Variants in HPSE2 observed in about 807,000 individuals in gnomAD.
The protein encoded by HPSE2 is inactive heparanase-2.
HPSE2 carries 38 observed loss-of-function variants against 60.5 expected under a neutral mutation model. The observed-to-expected ratio is 0.63, with a 90% CI of 0.48 to 0.82. The LOEUF is 0.82. HPSE2 is among the 40% of genes least tolerant of loss of function. HPSE2 has a pLI of 0.00. For synonymous variants in HPSE2, 295 were observed against 293.2 expected (o/e 1.01, Z -0.06); for missense variants, 713 against 740.4 (o/e 0.96, Z 0.43).
intron 3 of HPSE2, among the ~76,000 whole-genome samples, chr10:98,799,717 A>C (rs1950862963): frequency 6.6e-6 from 1 of 152,164 alleles, no homozygotes; most frequent in Non-Finnish European, 1.5e-5. Context: ...GAAAATTGCA[A>C]AATTTCTTGA....
At chr10:98,557,679 G>A (rs748918177) in intron 9 of HPSE2, among the ~76,000 whole-genome samples, 6 of 152,152 alleles carry the variant, frequency 3.9e-5, no homozygotes, top group African/African-American at 9.7e-5. Context: ...GGCCAGGTGC[G>A]GTGGCTCACG....
chr10:98,656,583 C>T (rs1366209636), intron 6 of HPSE2, among the ~76,000 whole-genome samples: 6 of 151,926 alleles, frequency 3.9e-5, no homozygotes, highest in African/African-American at 9.7e-5. Flanking sequence ...TTATGAGGAC[C>T]CACCATAAGA....
intron 7 of HPSE2, among the ~76,000 whole-genome samples, chr10:98,631,461 C>T (rs1299200240): frequency 7.2e-5 from 11 of 152,126 alleles, no homozygotes. Flanking sequence ...CGTCTCTTTC[C>T]CAGTCCTTTT....
At chr10:98,616,435 G>C (rs976445506) in intron 8 of HPSE2, among the ~76,000 whole-genome samples, 1 of 152,128 alleles carries the variant, frequency 6.6e-6, no homozygotes, top group Non-Finnish European at 1.5e-5. Flanking sequence ...TCACCATTCA[G>C]CACACTGGGG....
rs1337649430 is a variant in HPSE2, at chr10:98,942,053, T to C, written c.611-197997A>G. Among the ~76,000 whole-genome samples the C allele has an allele frequency of 2.1e-5, 3 of 143,256 alleles. 1 individual carries two copies. Among genetic ancestry groups the C allele is most frequent in the Non-Finnish European group, 4.5e-5 (3 of 67,026 alleles). The allele number at this position is 143,256 out of a possible 152,430, so 94.0% of individuals were successfully genotyped here. A position where few individuals can be genotyped will look rare whatever the true frequency, so the allele number is the denominator to read the frequency against. On this transcript the variant is annotated intron_variant, in intron 3 of 11. Coordinates refer to ENST00000370552, the MANE Select transcript of HPSE2 (RefSeq NM_021828.5). ...GGTAGAAAGCTGAAACTGGATCCCATCCTTACACCTTATACAAAAATTAAT... is the reference window on the plus strand; with the variant it reads ...GGTAGAAAGCTGAAACTGGATCCCACCCTTACACCTTATACAAAAATTAAT...
intron 3 of HPSE2, among the ~76,000 whole-genome samples, chr10:99,083,434 A>G (rs991821189): frequency 6.6e-6 from 1 of 152,258 alleles, no homozygotes; most frequent in Non-Finnish European, 1.5e-5. Flanking sequence ...AATCAAAAGC[A>G]TCTGTGAAAA....
At chr10:99,122,202 T>C (rs1388876112) in intron 3 of HPSE2, among the ~76,000 whole-genome samples, 1 of 152,066 alleles carries the variant, frequency 6.6e-6, no homozygotes, top group Non-Finnish European at 1.5e-5. Flanking sequence ...CTTTTAAATA[T>C]ATATAAACTT....
chr10:98,880,238 C>G (rs1235202366), intron 3 of HPSE2, among the ~76,000 whole-genome samples: 1 of 151,972 alleles, frequency 6.6e-6, no homozygotes, highest in Non-Finnish European at 1.5e-5. Context: ...TCAAAAAGTA[C>G]ACAAAATAAT....
At chr10:98,909,410 C>A (rs959769127) in intron 3 of HPSE2, among the ~76,000 whole-genome samples, 6 of 149,396 alleles carry the variant, frequency 4.0e-5, no homozygotes, top group Non-Finnish European at 8.9e-5. Flanking sequence ...GCGGGTGAAT[C>A]CAGAGGTCAG....
At chr10:98,656,672 A>G (rs1019472707) in intron 6 of HPSE2, among the ~76,000 whole-genome samples, 3 of 151,602 alleles carry the variant, frequency 2.0e-5, no homozygotes, top group African/African-American at 7.3e-5. Context: ...TAGACACTAG[A>G]TTTTGTTTTC....
intron 3 of HPSE2, among the ~76,000 whole-genome samples, chr10:98,811,369 G>GTA (rs1473258407): frequency 6.6e-6 from 1 of 152,064 alleles, no homozygotes; most frequent in African/African-American, 2.4e-5. Flanking sequence ...AGGGGTGACA[G>GTA]TGTGTTTGTT....
At chr10:99,284,333 T>C in the HPSE2 span, among the ~76,000 whole-genome samples, 150,336 of 152,248 alleles carry the variant, frequency 0.99, 74,221 homozygotes, top group East Asian at 1. Context: ...GTCCAATACC[T>C]TCTCATGATA....
At chr10:99,180,020 C>T (rs1213003989) in intron 2 of HPSE2, among the ~76,000 whole-genome samples, 1 of 152,202 alleles carries the variant, frequency 6.6e-6, no homozygotes, top group Non-Finnish European at 1.5e-5. Flanking sequence ...AAAGGATGTC[C>T]TATTTAATAA....
intron 9 of HPSE2, among the ~76,000 whole-genome samples, chr10:98,493,064 A>G (rs1373196996): frequency 6.6e-6 from 1 of 152,144 alleles, no homozygotes; most frequent in East Asian, 1.9e-4. Context: ...AAATGAACTC[A>G]TAGTATTTGT....
chr10:98,623,396 C>T (rs1249850553), intron 7 of HPSE2, among the ~76,000 whole-genome samples: 1 of 152,098 alleles, frequency 6.6e-6, no homozygotes, highest in African/African-American at 2.4e-5. Flanking sequence ...AGGAGATGAA[C>T]ATGTTCTAAA....
At chr10:98,993,211 A>T (rs969366528) in intron 3 of HPSE2, among the ~76,000 whole-genome samples, 3 of 152,238 alleles carry the variant, frequency 2.0e-5, no homozygotes, top group Non-Finnish European at 4.4e-5. Context: ...AAGCTTTCAC[A>T]TAAGAGATGC....
At chr10:98,825,958 C>T (rs1228792927) in intron 3 of HPSE2, among the ~76,000 whole-genome samples, 4 of 152,194 alleles carry the variant, frequency 2.6e-5, no homozygotes, top group Non-Finnish European at 5.9e-5. Context: ...ATTAACCAGC[C>T]AGAACCACCC....
At chr10:99,304,073 T>C in the HPSE2 span, among the ~76,000 whole-genome samples, 130,505 of 152,160 alleles carry the variant, frequency 0.86, 56,352 homozygotes, top group African/African-American at 0.93. Context: ...GATGGACCTC[T>C]GCCCTTCTGA....
rs574089240 is a variant in HPSE2, at chr10:99,232,011, T to A, written c.448+337A>T. ...CCCGCAGGAACAGCCTGTTAAGCAG[T>A]TTGGGCTACCAGCTCTCAGCCTCCA... On this transcript the variant is annotated intron_variant, in intron 2 of 11. Coordinates refer to ENST00000370552, the MANE Select transcript of HPSE2 (RefSeq NM_021828.5). Among the ~76,000 whole-genome samples the A allele has an allele frequency of 1.9e-4, 29 of 152,294 alleles. 1 individual carries two copies. Among genetic ancestry groups the A allele is most frequent in the Middle Eastern group, 3.4e-3 (1 of 294 alleles).
Sources: allele counts gnomAD v4.1 joint callset (sites outside exome capture counted in the v4.1 genomes callset), GRCh38; gene constraint gnomAD v4.1.1; transcripts MANE v1.5; gene names NCBI Gene and HGNC (gene_info 2026-07-23, HGNC 2026-07-21).